PDE10A: variants seen among roughly 807,000 people sequenced by gnomAD.
The protein encoded by PDE10A is phosphodiesterase 10A.
Under a neutral mutation model 97.7 loss-of-function variants are expected in PDE10A, and 39 were observed. The ratio of observed to expected loss-of-function variants is 0.40; its 90% CI spans 0.31 to 0.52. PDE10A has a LOEUF of 0.52. PDE10A is among the 20% of genes least tolerant of loss of function. PDE10A has a pLI of 0.56. For synonymous variants in PDE10A, 371 were observed against 376.8 expected (o/e 0.98, Z 0.18); for missense variants, 731 against 1,047.8 (o/e 0.70, Z 4.17).
chr6:165,364,405 C>CAGTAGCT (rs1783627638), intron 18 of PDE10A, among the ~76,000 whole-genome samples: 1 of 152,150 alleles, frequency 6.6e-6, no homozygotes, highest in African/African-American at 2.4e-5. Flanking sequence ...CTCAAACTGC[C>CAGTAGCT]AGTAGCTTGA....
intron 1 of PDE10A, among the ~76,000 whole-genome samples, chr6:165,749,930 G>T (rs1792958633): frequency 6.6e-6 from 1 of 152,164 alleles, no homozygotes. Context: ...TTGTGACAAG[G>T]AAATAGACAA....
At chr6:165,378,943 G>T (rs957929807) in intron 18 of PDE10A, among the ~76,000 whole-genome samples, 2 of 152,210 alleles carry the variant, frequency 1.3e-5, no homozygotes, top group African/African-American at 4.8e-5. Flanking sequence ...TTTGAAAGTT[G>T]CCAATCCCTG....
At position 165,332,969 on chromosome 6, in the gene PDE10A, T is replaced by C. The variant is rs1215250671; in HGVS notation, c.*56A>G. ...CCCCCCCAAAAAAAGGAAAAGAATG[T>C]CAAAGAAGCAAGATGAGGATCTGTA... On this transcript the variant is annotated 3_prime_UTR_variant, in exon 22 of 22. Transcript: ENST00000539869. 3 of 773,978 alleles carry C rather than the reference T, an allele frequency of 3.9e-6. No homozygotes were observed. The highest frequency in any genetic ancestry group is 6.3e-6 in the Non-Finnish European group (3 of 478,014). 47.9% of individuals were successfully genotyped at this position (773,978 alleles called of 1,614,324 possible).
At chr6:165,593,181 C>CT (rs1308818410) in intron 1 of PDE10A, among the ~76,000 whole-genome samples, 1 of 152,130 alleles carries the variant, frequency 6.6e-6, no homozygotes, top group African/African-American at 2.4e-5. Context: ...CCATCATTCT[C>CT]AGCAAACTAA....
At chr6:165,709,364 C>T (rs555749810) in intron 1 of PDE10A, among the ~76,000 whole-genome samples, 29 of 144,726 alleles carry the variant, frequency 2.0e-4, no homozygotes, top group Non-Finnish European at 3.5e-4. Flanking sequence ...CCAATGCTGC[C>T]GCGCTCTCCC....
chr6:165,850,745 A>G (rs974336006), intron 1 of PDE10A, among the ~76,000 whole-genome samples: 1 of 152,206 alleles, frequency 6.6e-6, no homozygotes, highest in Non-Finnish European at 1.5e-5. Context: ...TAAGAAGCAT[A>G]TTCAAGATTT....
chr6:165,955,129 C>T (rs562419450), intron 1 of PDE10A, among the ~76,000 whole-genome samples: 7 of 152,146 alleles, frequency 4.6e-5, no homozygotes, highest in African/African-American at 9.6e-5. Flanking sequence ...GATCCACACG[C>T]GTAGAAAGGA....
At chr6:165,703,610 T>TA in intron 1 of PDE10A, among the ~76,000 whole-genome samples, 1 of 152,358 alleles carries the variant, frequency 6.6e-6, no homozygotes, top group African/African-American at 2.4e-5. Flanking sequence ...TGCCCCCTTT[T>TA]AAGAACACAG....
chr6:165,721,705 C>T (rs1227546876), intron 1 of PDE10A, among the ~76,000 whole-genome samples: 1 of 152,228 alleles, frequency 6.6e-6, no homozygotes. Flanking sequence ...TGCCTCTGCA[C>T]CCAGTAATTG....
chr6:165,931,170 C>T (rs930268965), intron 1 of PDE10A, among the ~76,000 whole-genome samples: 10 of 152,224 alleles, frequency 6.6e-5, no homozygotes, highest in African/African-American at 2.4e-5. Context: ...CAAGTGCGAC[C>T]ACTTCAGGAG....
At chr6:165,739,376 A>T (rs1792660736) in intron 1 of PDE10A, among the ~76,000 whole-genome samples, 1 of 152,238 alleles carries the variant, frequency 6.6e-6, no homozygotes, top group Admixed American at 6.5e-5. Flanking sequence ...TGCCAAGAAC[A>T]TACAATGGGA....
At chr6:165,439,599 G>T (rs1790283580) in intron 5 of PDE10A, among the ~76,000 whole-genome samples, 1 of 152,174 alleles carries the variant, frequency 6.6e-6, no homozygotes, top group Non-Finnish European at 1.5e-5. Flanking sequence ...AGGCCAGGAA[G>T]TCCTAGGGGA....
intron 2 of PDE10A, among the ~76,000 whole-genome samples, chr6:165,517,628 A>T (rs1241561451): frequency 6.6e-6 from 1 of 152,210 alleles, no homozygotes; most frequent in African/African-American, 2.4e-5. Flanking sequence ...AATCTCAAAA[A>T]GGCTCGACAC....
At chr6:165,897,524 C>T (rs1480109697) in intron 1 of PDE10A, among the ~76,000 whole-genome samples, 1 of 151,966 alleles carries the variant, frequency 6.6e-6, no homozygotes, top group African/African-American at 2.4e-5. Context: ...ATGGCTGTGG[C>T]ACACTGCTGA....
chr6:165,455,034 C>G (rs1307025863), intron 3 of PDE10A, among the ~76,000 whole-genome samples: 1 of 152,090 alleles, frequency 6.6e-6, no homozygotes, highest in South Asian at 2.1e-4. Flanking sequence ...CCTGCCTTTC[C>G]CAAAGAGGTC....
At chr6:165,535,093 A>G (rs1179158176) in intron 2 of PDE10A, among the ~76,000 whole-genome samples, 1 of 152,040 alleles carries the variant, frequency 6.6e-6, no homozygotes, top group Non-Finnish European at 1.5e-5. Context: ...AATTCAGTAA[A>G]GTTGCAGGAT....
chr6:165,698,431 C>T (rs150730846), intron 1 of PDE10A, among the ~76,000 whole-genome samples: 1 of 152,104 alleles, frequency 6.6e-6, no homozygotes, highest in African/African-American at 2.4e-5. Flanking sequence ...GGGAACACTA[C>T]TTGTAATCGT....
At chr6:165,847,087 C>T (rs1780441590) in intron 1 of PDE10A, among the ~76,000 whole-genome samples, 1 of 152,186 alleles carries the variant, frequency 6.6e-6, no homozygotes, top group African/African-American at 2.4e-5. Flanking sequence ...GTTTTGACGG[C>T]ATTTTCCCAA....
chr6:165,860,503 AC>A (rs1486505015), intron 1 of PDE10A, among the ~76,000 whole-genome samples: 1 of 152,044 alleles, frequency 6.6e-6, no homozygotes, highest in Non-Finnish European at 1.5e-5. Context: ...AAAACCAGAT[AC>A]CCTGGGCAAA....
Sources: allele counts gnomAD v4.1 joint callset (sites outside exome capture counted in the v4.1 genomes callset), GRCh38; gene constraint gnomAD v4.1.1; transcripts MANE v1.5; gene names NCBI Gene and HGNC (gene_info 2026-07-23, HGNC 2026-07-21).